PTPRD: variants seen among roughly 807,000 people sequenced by gnomAD.
PTPRD encodes protein tyrosine phosphatase receptor type D, also known as receptor-type tyrosine-protein phosphatase delta.
In PTPRD, 34 loss-of-function variants were observed where a neutral mutation model predicts 214.5. That is an observed-to-expected ratio of 0.16 (90% CI 0.12 to 0.21). PTPRD has a LOEUF of 0.21. PTPRD is among the 10% of genes least tolerant of loss of function. The pLI, the probability that PTPRD is intolerant of heterozygous loss-of-function variation, is 1.00. For synonymous variants in PTPRD, 1,128 were observed against 845.7 expected, an observed-to-expected ratio of 1.33 and a Z score of -5.79; for missense variants, 2,545 against 2,398.7, an observed-to-expected ratio of 1.06 and a Z score of -1.27.
chr9:8,563,959 A>C (rs1374161985), intron 14 of PTPRD, among the ~76,000 whole-genome samples: 3 of 152,168 alleles, frequency 2.0e-5, no homozygotes, highest in African/African-American at 4.8e-5. Flanking sequence ...AGGCATTGCA[A>C]CCGGCCTCGG....
intron 12 of PTPRD, among the ~76,000 whole-genome samples, chr9:8,715,223 A>C (rs2098418379): frequency 6.6e-6 from 1 of 152,332 alleles, no homozygotes; most frequent in East Asian, 1.9e-4. Flanking sequence ...CTACAGCTAC[A>C]TCGACCAATT....
At chr9:9,863,836 GAAA>G (rs34403806) in intron 5 of PTPRD, among the ~76,000 whole-genome samples, 9 of 135,580 alleles carry the variant, frequency 6.6e-5, no homozygotes, top group Non-Finnish European at 1.3e-4. Flanking sequence ...ATGCAGGACG[GAAA>G]AAAAAAAAAA....
chr9:8,325,812 G>A (rs1833089765), intron 44 of PTPRD, among the ~76,000 whole-genome samples: 1 of 151,590 alleles, frequency 6.6e-6, no homozygotes, highest in South Asian at 2.1e-4. Flanking sequence ...TGTTAAGTTG[G>A]ACTCCTAGGT....
chr9:9,048,861 C>T (rs1346597750), intron 10 of PTPRD, among the ~76,000 whole-genome samples: 2 of 151,972 alleles, frequency 1.3e-5, no homozygotes, highest in South Asian at 2.1e-4. Context: ...GGTATAGATA[C>T]CCCATTTTCC....
At chr9:10,518,637 A>G (rs950779173) in intron 2 of PTPRD, among the ~76,000 whole-genome samples, 2 of 151,282 alleles carry the variant, frequency 1.3e-5, no homozygotes, top group Non-Finnish European at 2.9e-5. Context: ...GGTTCACGCC[A>G]TTCTGCTGCC....
intron 11 of PTPRD, among the ~76,000 whole-genome samples, chr9:8,833,294 T>C (rs1177979697): frequency 6.6e-6 from 1 of 152,156 alleles, no homozygotes; most frequent in Non-Finnish European, 1.5e-5. Context: ...AGCATGTGAC[T>C]TTTGAAACAT....
intron 40 of PTPRD, 39 bp from the exon 41 acceptor site, chr9:8,341,307 A>C: frequency 6.5e-7 from 1 of 1,542,656 alleles, no homozygotes; most frequent in African/African-American, 1.4e-5. Flanking sequence ...AAACCCAACA[A>C]AGATCATTTT....
chr9:9,763,728 G>C (rs1357801986), intron 6 of PTPRD, among the ~76,000 whole-genome samples: 2 of 151,730 alleles, frequency 1.3e-5, no homozygotes, highest in Admixed American at 1.3e-4. Flanking sequence ...TTTGACTTCA[G>C]ACAACACATT....
chr9:10,140,886 A>T (rs895593681), intron 3 of PTPRD, among the ~76,000 whole-genome samples: 23 of 151,916 alleles, frequency 1.5e-4, no homozygotes, highest in African/African-American at 5.6e-4. Context: ...CAGCACATCA[A>T]AAAGCTTATC....
chr9:10,244,664 T>C (rs1431053796), intron 3 of PTPRD, among the ~76,000 whole-genome samples: 2 of 152,130 alleles, frequency 1.3e-5, no homozygotes, highest in Non-Finnish European at 2.9e-5. Flanking sequence ...TCAAATCTCA[T>C]AGAGCCCCTC....
chr9:9,645,071 A>G (rs973191505), intron 7 of PTPRD, among the ~76,000 whole-genome samples: 2 of 152,232 alleles, frequency 1.3e-5, no homozygotes, highest in Non-Finnish European at 2.9e-5. Context: ...CTAAAAGAGC[A>G]TTAATTGTAA....
chr9:8,456,290 C>G lies in PTPRD; in HGVS notation c.3875+4121G>C, dbSNP rs113749533. ...AGACAAGTAGAAAGTACTTTAAGAG[C>G]TCAGGAAAAGTGATCCTAAAGCAGC... On this transcript the variant is annotated intron_variant, in intron 33 of 45. Coordinates refer to ENST00000381196, the MANE Select transcript of PTPRD (RefSeq NM_002839.4). Among the ~76,000 whole-genome samples the G allele has an allele frequency of 9.2e-5, 14 of 152,224 alleles. 1 individual carries two copies. The highest frequency in any genetic ancestry group is 3.1e-4 in the African/African-American group (13 of 41,536).
rs117765142 is a variant in PTPRD at position 8,935,028 on chromosome 9, G to C, written c.-104+83669C>G. 5.9e-3 allele frequency among the ~76,000 whole-genome samples: 904 copies of C among 152,062 alleles called. 8 individuals carry two copies. The highest frequency in any genetic ancestry group is 9.2e-3 in the Non-Finnish European group (629 of 68,006). On this transcript the variant is annotated intron_variant, in intron 11 of 45. Transcript: ENST00000381196. ...ATATATACTTATATATACACACACA[G>C]AGAGATATATGTATCACATTTTCTT...
At chr9:8,449,889 G>T in intron 33 of PTPRD, 52 bp from the exon 34 acceptor site, 1 of 1,571,312 alleles carries the variant, frequency 6.4e-7, no homozygotes, top group Non-Finnish European at 8.7e-7. Context: ...AATTGAAACA[G>T]ATAGAAAAGC....
chr9:8,774,391 G>A (rs913955701), intron 11 of PTPRD, among the ~76,000 whole-genome samples: 2 of 152,114 alleles, frequency 1.3e-5, no homozygotes, highest in Non-Finnish European at 2.9e-5. Flanking sequence ...GAGAAGATTA[G>A]AGATTACAGG....
chr9:8,831,751 CA>C (rs2097296638), intron 11 of PTPRD, among the ~76,000 whole-genome samples: 1 of 152,168 alleles, frequency 6.6e-6, no homozygotes. Context: ...CTATTGGTTT[CA>C]ACACTGTATC....
rs570633171 is a variant in PTPRD, at chr9:9,874,124, A to T, written c.-368+64383T>A. 7.2e-5 allele frequency among the ~76,000 whole-genome samples: 11 copies of T among 152,254 alleles called. No homozygotes were observed. In the South Asian group the frequency reaches 2.3e-3, roughly 32 times the overall value. On this transcript the variant is annotated intron_variant, in intron 5 of 45. Coordinates refer to ENST00000381196, the MANE Select transcript of PTPRD (RefSeq NM_002839.4). ...ATAGAGAGTGGTCTGGATGAGTAAG[A>T]GTAAAACAAAAAGAAGGGTAAATTA...
chr9:9,049,668 G>T (rs1394419476), intron 10 of PTPRD, among the ~76,000 whole-genome samples: 1 of 152,040 alleles, frequency 6.6e-6, no homozygotes, highest in Non-Finnish European at 1.5e-5. Context: ...GAGGTTGTGG[G>T]GTTTTAGGTC....
chr9:10,179,326 T>A (rs567934898), intron 3 of PTPRD, among the ~76,000 whole-genome samples: 58 of 152,080 alleles, frequency 3.8e-4, no homozygotes, highest in Middle Eastern at 6.8e-3. Context: ...ATATCAAAAG[T>A]CTTTTTGAAT....
Sources: allele counts gnomAD v4.1 joint callset (sites outside exome capture counted in the v4.1 genomes callset), GRCh38; gene constraint gnomAD v4.1.1; transcripts MANE v1.5; gene names NCBI Gene and HGNC (gene_info 2026-07-23, HGNC 2026-07-21).